TPTE: variants seen among roughly 807,000 people sequenced by gnomAD.
TPTE encodes transmembrane phosphatase with tensin homology.
In TPTE, 59 loss-of-function variants were observed where a neutral mutation model predicts 84.1. That is an observed-to-expected ratio of 0.70 (90% CI 0.57 to 0.87). The LOEUF is 0.87. TPTE is among the 40% of genes least tolerant of loss of function. The pLI is 0.00. For missense variants in TPTE, 382 were observed against 659.6 expected (o/e 0.58, Z 4.61); for synonymous variants, 130 against 223.5 (o/e 0.58, Z 3.73).
intron 7 of TPTE, among the ~76,000 whole-genome samples, chr21:10,552,006 T>G (rs375601452): frequency 1.3e-5 from 2 of 152,306 alleles, no homozygotes; most frequent in Non-Finnish European, 2.9e-5. Context: ...GCAAACTTCA[T>G]TGTTGTCCTA....
At chr21:10,529,806 A>G (rs1335534796) in intron 3 of TPTE, among the ~76,000 whole-genome samples, 1 of 152,308 alleles carries the variant, frequency 6.6e-6, no homozygotes, top group African/African-American at 2.4e-5. Flanking sequence ...TGTTAAAACT[A>G]TTTTCAATGT....
intron 7 of TPTE, among the ~76,000 whole-genome samples, chr21:10,545,960 A>G (rs1469568802): frequency 6.6e-6 from 1 of 152,118 alleles, no homozygotes; most frequent in African/African-American, 2.4e-5. Context: ...CCTTTAGCAT[A>G]TATATGTATA....
At chr21:10,549,040 C>T (rs1216697397) in intron 7 of TPTE, among the ~76,000 whole-genome samples, 1 of 152,310 alleles carries the variant, frequency 6.6e-6, no homozygotes, top group Non-Finnish European at 1.5e-5. Context: ...GTGAGCCCAC[C>T]CCTGGCAAGG....
At chr21:10,550,130 T>A (rs1334306758) in intron 7 of TPTE, among the ~76,000 whole-genome samples, 1 of 152,310 alleles carries the variant, frequency 6.6e-6, no homozygotes, top group African/African-American at 2.4e-5. Context: ...AGATAATTCA[T>A]CACCACTAGA....
chr21:10,544,085 T>C (rs1258370571), intron 7 of TPTE, among the ~76,000 whole-genome samples: 1 of 152,306 alleles, frequency 6.6e-6, no homozygotes, highest in Non-Finnish European at 1.5e-5. Context: ...TTCCCAGTCA[T>C]GTGAAAACCT....
intron 10 of TPTE, among the ~76,000 whole-genome samples, chr21:10,564,695 C>T (rs1181437578): frequency 1.3e-5 from 2 of 152,304 alleles, no homozygotes; most frequent in Non-Finnish European, 2.9e-5. Context: ...GATGGTTCAA[C>T]ATTTGTAAAT....
chr21:10,545,739 G>A (rs1011929392), intron 7 of TPTE, among the ~76,000 whole-genome samples: 3 of 151,724 alleles, frequency 2.0e-5, no homozygotes, highest in African/African-American at 7.3e-5. Context: ...ATATAAATAT[G>A]TATTTGTGTG....
chr21:10,544,096 C>T (rs1334605654), intron 7 of TPTE, among the ~76,000 whole-genome samples: 1 of 152,308 alleles, frequency 6.6e-6, no homozygotes, highest in Non-Finnish European at 1.5e-5. Flanking sequence ...GTGAAAACCT[C>T]TCCTGGAAAT....
chr21:10,548,334 G>A (rs1310237527), intron 7 of TPTE, among the ~76,000 whole-genome samples: 3 of 152,308 alleles, frequency 2.0e-5, no homozygotes, highest in Non-Finnish European at 2.9e-5. Context: ...CTGAGAAATA[G>A]TCCTGTATCC....
chr21:10,582,152 C>T (rs1488569799), intron 17 of TPTE, among the ~76,000 whole-genome samples: 1 of 152,426 alleles, frequency 6.6e-6, no homozygotes, highest in East Asian at 1.9e-4. Flanking sequence ...TAAAGATATT[C>T]CACATTTCTT....
At chr21:10,536,259 G>A (rs1274781268) in intron 3 of TPTE, among the ~76,000 whole-genome samples, 1 of 152,312 alleles carries the variant, frequency 6.6e-6, no homozygotes, top group Non-Finnish European at 1.5e-5. Flanking sequence ...GCCTCGGTGA[G>A]AGTGAGACTC....
chr21:10,602,017 A>G, intron 21 of TPTE, 41 bp from the exon 22 acceptor site: 1 of 1,588,432 alleles, frequency 6.3e-7, no homozygotes. Flanking sequence ...TGTTATCATT[A>G]TCTAGGTTTA....
chr21:10,576,052 A>G (rs2075143383), intron 14 of TPTE, among the ~76,000 whole-genome samples: 1 of 152,308 alleles, frequency 6.6e-6, no homozygotes, highest in Non-Finnish European at 1.5e-5. Context: ...AAATACCATC[A>G]GACCCAGCAA....
At chr21:10,599,550 A>G (rs1462540470) in intron 21 of TPTE, among the ~76,000 whole-genome samples, 1 of 152,310 alleles carries the variant, frequency 6.6e-6, no homozygotes, top group Non-Finnish European at 1.5e-5. Flanking sequence ...ATATATATAA[A>G]GTTTCTTTGT....
chr21:10,562,626 C>G (rs542405892), intron 10 of TPTE, among the ~76,000 whole-genome samples: 2 of 152,298 alleles, frequency 1.3e-5, no homozygotes. Context: ...ATTGGCATGC[C>G]GAAGAATGCA....
chr21:10,556,027 A>G (rs2074675936), intron 8 of TPTE, among the ~76,000 whole-genome samples: 1 of 152,290 alleles, frequency 6.6e-6, no homozygotes. Context: ...ATTTATTTAC[A>G]TTTTCACCTG....
At chr21:10,589,518 A>G (rs576571123) in intron 17 of TPTE, among the ~76,000 whole-genome samples, 1 of 152,430 alleles carries the variant, frequency 6.6e-6, no homozygotes, top group Non-Finnish European at 1.5e-5. Context: ...GCAGCCAGAT[A>G]GGGAAGATTC....
At chr21:10,583,370 A>T (rs1370642923) in intron 17 of TPTE, among the ~76,000 whole-genome samples, 1 of 152,310 alleles carries the variant, frequency 6.6e-6, no homozygotes, top group African/African-American at 2.4e-5. Context: ...AAGTATGTGG[A>T]TATCCTTTTT....
At chr21:10,570,956 C>G (rs569582996) in intron 14 of TPTE, among the ~76,000 whole-genome samples, 7 of 152,250 alleles carry the variant, frequency 4.6e-5, no homozygotes, top group African/African-American at 4.8e-5. Flanking sequence ...AATGCACCCC[C>G]CAAGGCCCAA....
Sources: gnomAD v4.1 joint callset for allele counts (sites outside exome capture counted in the v4.1 genomes callset) on GRCh38, gnomAD v4.1.1 for gene constraint, MANE v1.5 for transcripts, NCBI Gene and HGNC (gene_info 2026-07-23, HGNC 2026-07-21) for gene names.